Variants in SLIT3 observed in about 807,000 individuals in gnomAD.
SLIT3 encodes slit homolog 3 protein.
Under a neutral mutation model 184.0 loss-of-function variants are expected in SLIT3, and 68 were observed. The observed-to-expected ratio is 0.37, with a 90% confidence interval of 0.30 to 0.45. The LOEUF (loss-of-function observed/expected upper bound fraction) is 0.45. SLIT3 is among the 20% of genes least tolerant of loss of function. SLIT3 has a pLI of 1.00. For synonymous variants in SLIT3, 831 were observed against 828.6 expected (o/e 1.00, Z -0.05); for missense variants, 1,707 against 2,026.0 (o/e 0.84, Z 3.02).
At chr5:169,002,322 C>CAAAAAAAA (rs397999882) in intron 4 of SLIT3, among the ~76,000 whole-genome samples, 1,009 of 24,254 alleles carry the variant, frequency 0.042, 24 homozygotes, top group Middle Eastern at 0.056. Context: ...GACTCTGTCT[C>CAAAAAAAA]AAAAAAAAAA....
At chr5:169,044,874 G>T (rs1046642633) in intron 4 of SLIT3, among the ~76,000 whole-genome samples, 1 of 152,188 alleles carries the variant, frequency 6.6e-6, no homozygotes, top group Non-Finnish European at 1.5e-5. Context: ...TTCTGGGCCT[G>T]GAGAAGGATA....
chr5:169,299,463 G>T (rs1767611723), intron 1 of SLIT3, among the ~76,000 whole-genome samples: 2 of 152,042 alleles, frequency 1.3e-5, no homozygotes, highest in African/African-American at 4.8e-5. Flanking sequence ...ATGAGGAAGG[G>T]GAGAAGAGGG....
intron 4 of SLIT3, among the ~76,000 whole-genome samples, chr5:169,035,647 GAAAAAAA>G (rs201819555): frequency 3.9e-5 from 4 of 103,590 alleles, no homozygotes; most frequent in Non-Finnish European, 7.9e-5. Flanking sequence ...ACTGCATCTG[GAAAAAAA>G]AAAAAAAAAA....
At chr5:169,205,200 G>T (rs899592822) in intron 3 of SLIT3, among the ~76,000 whole-genome samples, 1 of 152,204 alleles carries the variant, frequency 6.6e-6, no homozygotes, top group Non-Finnish European at 1.5e-5. Context: ...CTCTTGGACA[G>T]GGCATGGCGC....
At chr5:168,890,414 C>A (rs1362374494) in intron 4 of SLIT3, among the ~76,000 whole-genome samples, 5 of 152,092 alleles carry the variant, frequency 3.3e-5, no homozygotes, top group Non-Finnish European at 5.9e-5. Flanking sequence ...TGAGAAAAAT[C>A]AGAATAGTAC....
chr5:168,969,414 T>C (rs963167681), intron 4 of SLIT3, among the ~76,000 whole-genome samples: 3 of 152,186 alleles, frequency 2.0e-5, no homozygotes, highest in African/African-American at 4.8e-5. Context: ...TGGACGAAAA[T>C]AGACAAAGCT....
At chr5:169,109,740 G>C (rs1165258340) in intron 4 of SLIT3, among the ~76,000 whole-genome samples, 1 of 152,126 alleles carries the variant, frequency 6.6e-6, no homozygotes. Flanking sequence ...TTCCTGCAAA[G>C]CTCCCTATGT....
chr5:168,979,162 G>A (rs1210287269), intron 4 of SLIT3, among the ~76,000 whole-genome samples: 1 of 152,134 alleles, frequency 6.6e-6, no homozygotes. Context: ...AGCCCCAAGG[G>A]GCCCACATGT....
At chr5:169,127,539 A>G (rs1761126977) in intron 4 of SLIT3, among the ~76,000 whole-genome samples, 1 of 152,262 alleles carries the variant, frequency 6.6e-6, no homozygotes. Flanking sequence ...GCATTCAAGC[A>G]TCAAGTCTCT....
At chr5:169,039,145 T>C (rs941932543) in intron 4 of SLIT3, among the ~76,000 whole-genome samples, 1 of 151,874 alleles carries the variant, frequency 6.6e-6, no homozygotes, top group Non-Finnish European at 1.5e-5. Context: ...TAGACCCAGT[T>C]TGAGGATGGT....
At chr5:168,725,895 C>A (rs919121035) in intron 20 of SLIT3, among the ~76,000 whole-genome samples, 12 of 152,208 alleles carry the variant, frequency 7.9e-5, no homozygotes, top group Non-Finnish European at 1.3e-4. Flanking sequence ...AGCTTTAAGG[C>A]CACATTGGAA....
At chr5:168,969,336 C>T (rs191392306) in intron 4 of SLIT3, among the ~76,000 whole-genome samples, 248 of 152,288 alleles carry the variant, frequency 1.6e-3, no homozygotes, top group Admixed American at 5.4e-3. Flanking sequence ...AGGTTTTTGG[C>T]TTTAATTTTC....
At chr5:169,006,137 G>A (rs1164794101) in intron 4 of SLIT3, among the ~76,000 whole-genome samples, 1 of 152,204 alleles carries the variant, frequency 6.6e-6, no homozygotes, top group African/African-American at 2.4e-5. Flanking sequence ...AAGTGGTAAT[G>A]CCTGGTCCCC....
At chr5:168,989,036 C>T (rs1172081355) in intron 4 of SLIT3, among the ~76,000 whole-genome samples, 2 of 152,176 alleles carry the variant, frequency 1.3e-5, no homozygotes, top group African/African-American at 4.8e-5. Flanking sequence ...AACCATGGCA[C>T]TAAATTAATT....
chr5:168,940,094 A>G (rs192264491), intron 4 of SLIT3, among the ~76,000 whole-genome samples: 1 of 152,376 alleles, frequency 6.6e-6, no homozygotes, highest in African/African-American at 2.4e-5. Context: ...CTGTCAGGCA[A>G]TAAATGATAA....
chr5:169,057,356 G>C (rs1436091318), intron 4 of SLIT3, among the ~76,000 whole-genome samples: 1 of 152,238 alleles, frequency 6.6e-6, no homozygotes, highest in Non-Finnish European at 1.5e-5. Context: ...ACTGGGAAGA[G>C]GCTGTACAAA....
At chr5:168,750,947 G>C (rs184246096) in intron 18 of SLIT3, among the ~76,000 whole-genome samples, 2 of 151,786 alleles carry the variant, frequency 1.3e-5, no homozygotes. Flanking sequence ...TTAGTGCTTT[G>C]TAATATTAAG....
At chr5:169,249,601 A>C (rs1765706932) in intron 2 of SLIT3, among the ~76,000 whole-genome samples, 1 of 123,560 alleles carries the variant, frequency 8.1e-6, no homozygotes, top group Admixed American at 8.9e-5. Flanking sequence ...GAAATAAATA[A>C]AAAAAAATAA....
At chr5:168,750,674 A>C (rs1028556359) in intron 18 of SLIT3, among the ~76,000 whole-genome samples, 1 of 152,044 alleles carries the variant, frequency 6.6e-6, no homozygotes, top group Non-Finnish European at 1.5e-5. Context: ...CTAAATATGG[A>C]CTAAAATGGA....
Sources: allele counts gnomAD v4.1 joint callset (sites outside exome capture counted in the v4.1 genomes callset), GRCh38; gene constraint gnomAD v4.1.1; transcripts MANE v1.5; gene names NCBI Gene and HGNC (gene_info 2026-07-23, HGNC 2026-07-21).